Variants in WDR17 observed in about 807,000 individuals in gnomAD.
WDR17 encodes the protein WD repeat domain 17, also known as WD repeat-containing protein 17.
WDR17 carries 143 observed loss-of-function variants against 161.7 expected under a neutral mutation model. That is an observed-to-expected ratio of 0.88 (90% CI 0.77 to 1.02). The LOEUF (loss-of-function observed/expected upper bound fraction) is 1.02, where lower values mean the gene tolerates loss of function less well. WDR17 is among the 50% of genes least tolerant of loss of function. The pLI, the probability that WDR17 is intolerant of heterozygous loss-of-function variation, is 0.00. For missense variants in WDR17, 1,469 were observed against 1,520.9 expected (o/e 0.97, Z 0.57); for synonymous variants, 517 against 515.6 (o/e 1.00, Z -0.04).
intron 13 of WDR17, among the ~76,000 whole-genome samples, chr4:176,149,103 A>G (rs1303144697): frequency 6.6e-6 from 1 of 152,114 alleles, no homozygotes; most frequent in East Asian, 1.9e-4. Flanking sequence ...TTTAACTAGA[A>G]CGTCATCTGC....
At chr4:176,162,648 C>T (rs1039547496) in intron 21 of WDR17, among the ~76,000 whole-genome samples, 1 of 152,002 alleles carries the variant, frequency 6.6e-6, no homozygotes, top group African/African-American at 2.4e-5. Context: ...CAAATGAAAG[C>T]ACTTATTTTT....
At chr4:176,175,192 G>GA (rs1157024401) in intron 26 of WDR17, among the ~76,000 whole-genome samples, 11 of 152,192 alleles carry the variant, frequency 7.2e-5, no homozygotes, top group Admixed American at 6.6e-5. Flanking sequence ...ATTCAGGAAG[G>GA]AAAGTCCTCC....
intron 11 of WDR17, among the ~76,000 whole-genome samples, chr4:176,143,964 A>T (rs1745736153): frequency 6.6e-6 from 1 of 151,198 alleles, no homozygotes; most frequent in Non-Finnish European, 1.5e-5. Context: ...CAAGCACTAC[A>T]AGAAGGTCCC....
intron 4 of WDR17, among the ~76,000 whole-genome samples, chr4:176,124,367 A>G (rs568839725): frequency 6.6e-6 from 1 of 152,246 alleles, no homozygotes; most frequent in African/African-American, 2.4e-5. Flanking sequence ...CCTTTGCTTT[A>G]TTTAATTAGT....
At position 176,151,975 on chromosome 4, in the gene WDR17, G is replaced by A. The variant is rs115177112; in HGVS notation, c.2460+8G>A. ...ATGGTTGAACTTGGAGAGGTAATGT[G>A]CTATGAAAGTAAAACTAATGAGTTT... On this transcript the variant is annotated splice_region_variant and intron_variant, in intron 17 of 28. Coordinates refer to ENST00000508596, the MANE Select transcript of WDR17 (RefSeq NM_181265.4). 33,421 of 1,608,102 alleles carry A rather than the reference G, an allele frequency of 0.021. 456 individuals are homozygous for A. The highest frequency in any genetic ancestry group is 0.023 in the Non-Finnish European group (27,545 of 1,178,248).
At chr4:176,118,497 G>A (rs1741006437) in intron 3 of WDR17, among the ~76,000 whole-genome samples, 1 of 152,036 alleles carries the variant, frequency 6.6e-6, no homozygotes, top group Non-Finnish European at 1.5e-5. Context: ...TATGGGTCAG[G>A]CCCTGAAGTA....
At chr4:176,167,658 A>AAAAAAAC (rs1554036536) in intron 22 of WDR17, among the ~76,000 whole-genome samples, 793 of 69,628 alleles carry the variant, frequency 0.011, 74 homozygotes, top group Middle Eastern at 0.036. Flanking sequence ...AAAAAAAAAA[A>AAAAAAAC]AAAAAAAAAA....
At chr4:176,109,421 C>T (rs756990839) in intron 1 of WDR17, among the ~76,000 whole-genome samples, 6 of 152,022 alleles carry the variant, frequency 3.9e-5, no homozygotes, top group Non-Finnish European at 8.8e-5. Context: ...TTTCTGAATA[C>T]ATAAAAGCAC....
chr4:176,175,899 C>T lies in WDR17; in HGVS notation c.3450-1159C>T, dbSNP rs113703644. On this transcript the variant is annotated intron_variant, in intron 26 of 28. Transcript: ENST00000508596. Reference sequence around the variant, plus strand: ...CTGAGTTCATATGTGGCAGAGGATTCTAAGAGAAACAGGTTTTCTCATTCC... The same window carrying T: ...CTGAGTTCATATGTGGCAGAGGATTTTAAGAGAAACAGGTTTTCTCATTCC... 5.8e-3 allele frequency among the ~76,000 whole-genome samples: 881 copies of T among 152,190 alleles called. 9 individuals are homozygous for T. Among genetic ancestry groups the T allele is most frequent in the African/African-American group, 0.019 (800 of 41,518 alleles).
intron 23 of WDR17, among the ~76,000 whole-genome samples, chr4:176,170,562 G>A (rs911278190): frequency 2.0e-5 from 3 of 151,958 alleles, no homozygotes; most frequent in East Asian, 3.9e-4. Context: ...TGATCCACCC[G>A]CCTCAGCCTC....
chr4:176,096,588 A>G (rs1427425358), intron 1 of WDR17: 1 of 1,580,692 alleles, frequency 6.3e-7, no homozygotes, highest in Non-Finnish European at 8.6e-7. Flanking sequence ...TACAAAGAGT[A>G]AGATACATTT....
At position 176,167,660 on chromosome 4, in the gene WDR17, A is replaced by AAACAAC. The variant is rs1554036544; in HGVS notation, c.2991-1010_2991-1009insCAACAA. On this transcript the variant is annotated intron_variant, in intron 22 of 28. Coordinates refer to ENST00000508596, the MANE Select transcript of WDR17 (RefSeq NM_181265.4). ...ACTCCGTCTCAAAAAAAAAAAAAAA[A>AAACAAC]AAAAAAAAAAAACAATATCTTGAAT... 1.2e-3 allele frequency among the ~76,000 whole-genome samples: 145 copies of AAACAAC among 126,058 alleles called. 5 individuals are homozygous for AAACAAC. The highest frequency in any genetic ancestry group is 3.3e-3 in the African/African-American group (121 of 36,470). 82.7% of individuals were successfully genotyped at this position (126,058 alleles called of 152,430 possible). A position where few individuals can be genotyped will look rare whatever the true frequency, so the allele number is the denominator to read the frequency against.
rs188453578 is a variant in WDR17, at chr4:176,110,840, A to G, written c.-6-735A>G. On this transcript the variant is annotated intron_variant, in intron 1 of 28. Transcript: ENST00000508596. ...GGTGCAAAGCTTGGTCTAATTCCTT[A>G]TTTCCTGAAGTCTCAGCCCAGGCCT... Among the ~76,000 whole-genome samples, 22 of 152,230 alleles carry G rather than the reference A, an allele frequency of 1.4e-4. No homozygotes were observed. In the East Asian group the frequency reaches 4.1e-3, roughly 28 times the overall value.
chr4:176,124,799 A>G (rs564237728), intron 4 of WDR17, among the ~76,000 whole-genome samples: 1 of 152,266 alleles, frequency 6.6e-6, no homozygotes, highest in East Asian at 1.9e-4. Flanking sequence ...GAAATTTGTA[A>G]TTATTGACAA....
chr4:176,136,443 G>A (rs1454285055), intron 8 of WDR17, among the ~76,000 whole-genome samples: 2 of 151,604 alleles, frequency 1.3e-5, no homozygotes, highest in African/African-American at 4.8e-5. Context: ...ACTTATGACT[G>A]TAAAAACTAT....
At chr4:176,121,898 A>G (rs1741646495) in intron 4 of WDR17, among the ~76,000 whole-genome samples, 1 of 152,242 alleles carries the variant, frequency 6.6e-6, no homozygotes, top group African/African-American at 2.4e-5. Flanking sequence ...ATTGTTTTTC[A>G]ATAACCCAAT....
At chr4:176,085,551 A>G (rs1447486388) in intron 1 of WDR17, among the ~76,000 whole-genome samples, 1 of 152,114 alleles carries the variant, frequency 6.6e-6, no homozygotes. Context: ...TTTTTGAAGA[A>G]TGTGTCCATT....
At position 176,157,074 on chromosome 4, in the gene WDR17, G is replaced by A. The variant is rs559275759; in HGVS notation, c.2525+931G>A. Among the ~76,000 whole-genome samples the A allele has an allele frequency of 5.7e-4, 87 of 152,164 alleles. 1 individual carries two copies. Among genetic ancestry groups the A allele is most frequent in the South Asian group, 2.5e-3 (12 of 4,818 alleles). On this transcript the variant is annotated intron_variant, in intron 18 of 28. Transcript: ENST00000508596. ...ATATATGGTTACATTCACAGGTATC[G>A]TGGGTTAGGACTTCAACATATTGTT...
Position 176,149,927 on chromosome 4 carries a change from G to A in WDR17, c.2018G>A (p.Arg673Lys), listed in dbSNP as rs748553895. The A allele has an allele frequency of 1.2e-6, 2 of 1,613,222 alleles. No homozygotes were observed. Among genetic ancestry groups the A allele is most frequent in the Non-Finnish European group, 8.5e-7 (1 of 1,179,890 alleles). Residue 673 changes from arginine (R) to lysine (K), a missense_variant, in exon 14 of 29, where the codon AGA (arginine) becomes AAA (lysine). Arg to Lys is a conservative substitution (Grantham distance 26, BLOSUM62 2). Coordinates refer to ENST00000508596, the MANE Select transcript of WDR17 (RefSeq NM_181265.4). ...TPVQINILAD[R>K]SWEEIIGNTD... ...GTACAAATAAATATTCTGGCAGACA[G>A]ATCTTGGGAAGAAATTATTGGGAAC...
Sources: allele counts gnomAD v4.1 joint callset (sites outside exome capture counted in the v4.1 genomes callset), GRCh38; gene constraint gnomAD v4.1.1; transcripts MANE v1.5; gene names NCBI Gene and HGNC (gene_info 2026-07-23, HGNC 2026-07-21).